The following ADAMTS12 variants were observed in gnomAD, a reference collection of about 807,000 sequenced individuals.
ADAMTS12 encodes the protein A disintegrin and metalloproteinase with thrombospondin motifs 12.
A neutral mutation model predicts 167.8 loss-of-function variants in ADAMTS12; 118 were observed. That is an observed-to-expected ratio of 0.70 (90% CI 0.61 to 0.82). The LOEUF (loss-of-function observed/expected upper bound fraction) is 0.82, where lower values mean the gene tolerates loss of function less well. ADAMTS12 is among the 40% of genes least tolerant of loss of function. The pLI is 0.00. For missense variants in ADAMTS12, 1,916 were observed against 1,998.8 expected (o/e 0.96, Z 0.79); for synonymous variants, 704 against 716.9 (o/e 0.98, Z 0.29).
At chr5:33,723,433 T>C (rs1327490253) in intron 3 of ADAMTS12, among the ~76,000 whole-genome samples, 1 of 152,190 alleles carries the variant, frequency 6.6e-6, no homozygotes, top group African/African-American at 2.4e-5. Flanking sequence ...TATCTCCAAA[T>C]GTGCATAGAT....
rs145012036 is a variant in ADAMTS12 at position 33,645,144 on chromosome 5, TTTATTATTA to T, written c.1480-1683_1480-1675del. Among the ~76,000 whole-genome samples the T allele has an allele frequency of 7.4e-3, 1,081 of 146,080 alleles. 10 individuals carry two copies. Among genetic ancestry groups the T allele is most frequent in the African/African-American group, 0.023 (913 of 39,528 alleles). On this transcript the variant is annotated intron_variant, in intron 9 of 23. Coordinates refer to ENST00000504830, the MANE Select transcript of ADAMTS12 (RefSeq NM_030955.4). ...TGGTATCTCCAGGACAAATGCTTTA[TTTATTATTA>T]TTATTATTATTATTATTATTATTAT...
At chr5:33,821,220 A>G (rs1747856322) in intron 2 of ADAMTS12, among the ~76,000 whole-genome samples, 1 of 152,212 alleles carries the variant, frequency 6.6e-6, no homozygotes, top group African/African-American at 2.4e-5. Flanking sequence ...ATTTATATCT[A>G]TAATCATTAT....
intron 2 of ADAMTS12, among the ~76,000 whole-genome samples, chr5:33,818,113 C>A (rs1747732694): frequency 1.3e-5 from 2 of 152,036 alleles, no homozygotes; most frequent in African/African-American, 2.4e-5. Flanking sequence ...TTTGTTGTGA[C>A]AAGAGCAGGT....
chr5:33,701,450 C>G (rs1442935893), intron 3 of ADAMTS12, among the ~76,000 whole-genome samples: 2 of 152,198 alleles, frequency 1.3e-5, no homozygotes, highest in Non-Finnish European at 2.9e-5. Context: ...TCACTTCTTT[C>G]TCTTGAGCTT....
In ADAMTS12 at chr5:33,759,281, C is replaced by T. The variant is rs116568724; in HGVS notation, c.490-7733G>A. Among the ~76,000 whole-genome samples, 1,200 of 152,308 alleles carry T rather than the reference C, an allele frequency of 7.9e-3. 18 individuals carry two copies. Among genetic ancestry groups the T allele is most frequent in the African/African-American group, 0.028 (1,149 of 41,564 alleles). On this transcript the variant is annotated intron_variant, in intron 2 of 23. Transcript: ENST00000504830. The stretch of plus-strand genomic sequence containing the variant: ...TCCAAGTCTCTAAATCAACCATAGA[C>T]GCCAGGTCCTGGCCTCCTGTATTTC...
At chr5:33,587,753 T>A (rs1192969803) in intron 18 of ADAMTS12, among the ~76,000 whole-genome samples, 4 of 152,212 alleles carry the variant, frequency 2.6e-5, no homozygotes, top group Admixed American at 6.5e-5. Flanking sequence ...GGTAGCATTA[T>A]CATGGAAGCA....
At chr5:33,659,530 T>A (rs186998638) in intron 6 of ADAMTS12, among the ~76,000 whole-genome samples, 1 of 152,314 alleles carries the variant, frequency 6.6e-6, no homozygotes, top group East Asian at 1.9e-4. Context: ...CATTTTGATA[T>A]GGCAGGAGGT....
chr5:33,760,992 C>G (rs775184699), intron 2 of ADAMTS12, among the ~76,000 whole-genome samples: 4 of 151,706 alleles, frequency 2.6e-5, no homozygotes, highest in Admixed American at 6.6e-5. Context: ...AAATGTCCGA[C>G]TAAAAGGAAG....
intron 13 of ADAMTS12, among the ~76,000 whole-genome samples, chr5:33,625,760 A>G (rs1173023159): frequency 6.6e-6 from 1 of 152,200 alleles, no homozygotes; most frequent in African/African-American, 2.4e-5. Flanking sequence ...CAGCATATTA[A>G]ATGGGTTCTT....
intron 2 of ADAMTS12, among the ~76,000 whole-genome samples, chr5:33,788,607 T>C (rs1461825051): frequency 1.3e-5 from 2 of 152,112 alleles, no homozygotes; most frequent in Non-Finnish European, 2.9e-5. Flanking sequence ...TAGGGCATGA[T>C]GAAGAGAAAC....
chr5:33,738,861 A>C (rs945037194), intron 3 of ADAMTS12, among the ~76,000 whole-genome samples: 6 of 152,222 alleles, frequency 3.9e-5, no homozygotes, highest in Admixed American at 3.9e-4. Context: ...CGTGGGGAGA[A>C]GATGCTTTAC....
chr5:33,833,708 G>A (rs1748397552), intron 2 of ADAMTS12, among the ~76,000 whole-genome samples: 1 of 152,176 alleles, frequency 6.6e-6, no homozygotes, highest in African/African-American at 2.4e-5. Context: ...CCAAGCTTTT[G>A]TGAATGGTTA....
chr5:33,687,228 T>C (rs1742367249), intron 3 of ADAMTS12, among the ~76,000 whole-genome samples: 1 of 152,156 alleles, frequency 6.6e-6, no homozygotes, highest in African/African-American at 2.4e-5. Flanking sequence ...TATATCTATT[T>C]GAAATTTTTC....
intron 3 of ADAMTS12, among the ~76,000 whole-genome samples, chr5:33,702,840 T>G (rs1743051142): frequency 6.6e-6 from 1 of 152,186 alleles, no homozygotes; most frequent in Non-Finnish European, 1.5e-5. Context: ...CTATTTCAGA[T>G]GTAGGACCCT....
At chr5:33,741,152 A>C (rs1261584072) in intron 3 of ADAMTS12, among the ~76,000 whole-genome samples, 3 of 152,200 alleles carry the variant, frequency 2.0e-5, no homozygotes, top group Non-Finnish European at 2.9e-5. Context: ...GGCAGAAGGA[A>C]AGGAGCCCTG....
In ADAMTS12 at chr5:33,889,485, C is replaced by G. The variant is rs73074834; in HGVS notation, c.127+2245G>C. ...CCCAGGCCATCCTAATCCCAGATAG[C>G]CTTAGAATTTCATTCTCTACTGGTT... is the stretch of plus-strand genomic sequence containing the variant. On this transcript the variant is annotated intron_variant, in intron 1 of 23. Coordinates refer to ENST00000504830, the MANE Select transcript of ADAMTS12 (RefSeq NM_030955.4). Among the ~76,000 whole-genome samples the G allele has an allele frequency of 5.4e-3, 819 of 152,236 alleles. 9 individuals are homozygous for G. The highest frequency in any genetic ancestry group is 0.019 in the African/African-American group (793 of 41,530).
intron 16 of ADAMTS12, 101 bp downstream of exon 16, chr5:33,614,137 G>T: frequency 6.9e-7 from 1 of 1,451,858 alleles, no homozygotes; most frequent in Non-Finnish European, 9.3e-7. Context: ...GAGCCCTGCA[G>T]ATCCATGGGC....
chr5:33,887,415 T>C (rs1384727240), intron 1 of ADAMTS12, among the ~76,000 whole-genome samples: 1 of 152,200 alleles, frequency 6.6e-6, no homozygotes, highest in Non-Finnish European at 1.5e-5. Flanking sequence ...CTCCAGGGTC[T>C]GTCACCTAGC....
chr5:33,879,467 A>T (rs1355769594), intron 2 of ADAMTS12, among the ~76,000 whole-genome samples: 2 of 152,184 alleles, frequency 1.3e-5, no homozygotes, highest in Non-Finnish European at 2.9e-5. Flanking sequence ...GAGAGCCAGG[A>T]TTGCAAAGGC....
Sources: allele counts gnomAD v4.1 joint callset (sites outside exome capture counted in the v4.1 genomes callset), GRCh38; gene constraint gnomAD v4.1.1; transcripts MANE v1.5; gene names NCBI Gene and HGNC (gene_info 2026-07-23, HGNC 2026-07-21).